Variants in BAHD1 observed in about 807,000 individuals in gnomAD.
BAHD1 encodes bromo adjacent homology domain containing 1.
A neutral mutation model predicts 63.1 loss-of-function variants in BAHD1; 20 were observed. That is an observed-to-expected ratio of 0.32 (90% confidence interval 0.22 to 0.46). The LOEUF (loss-of-function observed/expected upper bound fraction) is 0.46. BAHD1 is among the 20% of genes least tolerant of loss of function. The pLI is 1.00. For missense variants in BAHD1, 939 were observed against 1,071.8 expected, an observed-to-expected ratio of 0.88 and a Z score of 1.73; for synonymous variants, 408 against 426.8, an observed-to-expected ratio of 0.96 and a Z score of 0.54.
chr15:40,455,297 C>G (rs899669185), intron 1 of BAHD1, among the ~76,000 whole-genome samples: 1 of 152,182 alleles, frequency 6.6e-6, no homozygotes, highest in Non-Finnish European at 1.5e-5. Flanking sequence ...CACCCTACCC[C>G]CCAGGGGAGT....
Position 40,463,868 on chromosome 15 carries a change from C to T in BAHD1, c.1823C>T (p.Pro608Leu), listed in dbSNP as rs777256504. ...CEKAVYVLDEPEPAIRKSYQA... is the reference protein window; with the variant it reads ...CEKAVYVLDELEPAIRKSYQA... Reference sequence around the variant, plus strand: ...CATTGGTTTGTTGCCTAGGATGAGCCGGAGCCAGCCATCCGAAAGAGCTAC... The same window carrying T: ...CATTGGTTTGTTGCCTAGGATGAGCTGGAGCCAGCCATCCGAAAGAGCTAC... Residue 608 changes from proline to leucine, a missense_variant, in exon 4 of 7, where the codon CCG (proline) becomes CTG (leucine). Physicochemically the swap from Pro to Leu is moderately conservative, Grantham distance 98. Transcript: ENST00000416165. 4 of 1,614,146 alleles carry T rather than the reference C, an allele frequency of 2.5e-6. No individual in the cohort carries two copies. The highest frequency in any genetic ancestry group is 1.1e-5 in the South Asian group (1 of 91,082).
chr15:40,458,909 G>T lies in BAHD1; in HGVS notation c.445G>T (p.Gly149Trp). The change falls in exon 2 of 7, where the codon GGG becomes TGG. Residue 149 changes from glycine (G) to tryptophan (W), a missense_variant. By Grantham distance (184) the Gly-to-Trp change is radical (BLOSUM62 -2). Transcript: ENST00000416165. The surrounding 1 kb of genome is among the most constrained non-coding windows in gnomAD (Gnocchi z 4.7). ...GGCAGGCACCCGCCGCAGTCGAGCA[G>T]GGGATCCCCACCGCAGCCGTGACCG... is the stretch of plus-strand genomic sequence containing the variant. Reference protein sequence around the residue: ...SLAGTRRSRAGDPHRSRDRDR... With the variant: ...SLAGTRRSRAWDPHRSRDRDR... The T allele has an allele frequency of 6.3e-7, 1 of 1,598,478 alleles. No individual in the cohort carries two copies. Among genetic ancestry groups the T allele is most frequent in the Non-Finnish European group, 8.5e-7 (1 of 1,171,350 alleles).
intron 4 of BAHD1, 49 bp from the exon 5 acceptor site, chr15:40,464,422 G>C (rs771611903): frequency 8.5e-6 from 13 of 1,530,018 alleles, no homozygotes; most frequent in Non-Finnish European, 1.2e-5. Context: ...GCCTGTCTAA[G>C]TAACTCAGGT....
chr15:40,466,012 C>T lies in BAHD1; in HGVS notation c.2225C>T (p.Ala742Val), dbSNP rs1261322112. ...SRKTALVPPSADYSTPPHRTV... is the reference protein window; with the variant it reads ...SRKTALVPPSVDYSTPPHRTV... ...AAGACAGCACTGGTTCCCCCCTCTGCAGACTATTCCACCCCACCCCACCGC... is the reference window on the plus strand; with the variant it reads ...AAGACAGCACTGGTTCCCCCCTCTGTAGACTATTCCACCCCACCCCACCGC... Residue 742 changes from alanine (A) to valine (V), a missense_variant, in exon 7 of 7, where the codon GCA (alanine) becomes GTA (valine). Physicochemically the swap from Ala to Val is moderately conservative, Grantham distance 64. Transcript: ENST00000416165. 1 of 1,613,846 alleles carries T rather than the reference C, an allele frequency of 6.2e-7. No homozygotes were observed. The highest frequency in any genetic ancestry group is 8.5e-7 in the Non-Finnish European group (1 of 1,179,842).
intron 1 of BAHD1, among the ~76,000 whole-genome samples, chr15:40,449,814 CAAAAAAAAA>C (rs1053414532): frequency 1.8e-5 from 1 of 55,148 alleles, no homozygotes; most frequent in Non-Finnish European, 3.9e-5. Flanking sequence ...GACCCTGTCT[CAAAAAAAAA>C]AAAAAAAAAG....
At chr15:40,447,337 C>T (rs906411337) in intron 1 of BAHD1, among the ~76,000 whole-genome samples, 1 of 151,882 alleles carries the variant, frequency 6.6e-6, no homozygotes, top group African/African-American at 2.4e-5. Context: ...GAGGCTGAGG[C>T]GGGTGGATCA....
intron 1 of BAHD1, among the ~76,000 whole-genome samples, chr15:40,452,011 C>G (rs1893719385): frequency 6.6e-6 from 1 of 152,262 alleles, no homozygotes; most frequent in Non-Finnish European, 1.5e-5. Flanking sequence ...TCTCCTCACT[C>G]AGGGATCTGT....
In BAHD1 at chr15:40,466,114, T is replaced by C; in HGVS notation, c.2327T>C (p.Leu776Pro). The change falls in exon 7 of 7, where the codon CTT (leucine) becomes CCT (proline). Residue 776 changes from leucine (L) to proline (P), a missense_variant. This residue lies in a region of BAHD1 where 68 missense variants were observed against 86.2 expected (regional missense o/e 0.79). Transcript: ENST00000416165. ...TATGACTTCCGCCACGGGCGCATCC[T>C]TAAGAACCCCCAGTAGCCTCCTCAT... is the stretch of plus-strand genomic sequence containing the variant. ...HVYDFRHGRI[L>P]KNPQ The C allele has an allele frequency of 6.2e-7, 1 of 1,613,278 alleles. No individual in the cohort carries two copies. The highest frequency in any genetic ancestry group is 8.5e-7 in the Non-Finnish European group (1 of 1,179,508).
intron 1 of BAHD1, chr15:40,443,301 G>A (rs1270360133): frequency 1.0e-6 from 1 of 985,308 alleles, no homozygotes; most frequent in Non-Finnish European, 1.2e-6. Context: ...CCCCAGCCTG[G>A]ATGGAGCTGA....
chr15:40,464,802 G>A (rs1894152923), intron 5 of BAHD1: 1 of 514,252 alleles, frequency 1.9e-6, no homozygotes, highest in African/African-American at 1.9e-5. Context: ...GAGGTAGCAG[G>A]TGCCAATGGG....
At chr15:40,463,816 AGT>A in intron 3 of BAHD1, 43 bp from the exon 4 acceptor site, 1 of 1,607,260 alleles carries the variant, frequency 6.2e-7, no homozygotes, top group Non-Finnish European at 8.5e-7. Flanking sequence ...CCTTACTCTG[AGT>A]GTGGCTCTGC....
intron 2 of BAHD1, among the ~76,000 whole-genome samples, chr15:40,460,438 G>A (rs567361582): frequency 6.6e-6 from 1 of 152,154 alleles, no homozygotes; most frequent in Admixed American, 6.5e-5. Flanking sequence ...TAGAGGCATT[G>A]AAAGAGAAGT....
At chr15:40,460,020 C>A in intron 2 of BAHD1, 124 bp downstream of exon 2, 1 of 1,253,400 alleles carries the variant, frequency 8.0e-7, no homozygotes, top group South Asian at 1.6e-5. Flanking sequence ...AGGTAGGGGG[C>A]TTTCAGAAGT....
At position 40,459,774 on chromosome 15, in the gene BAHD1, G is replaced by A. The variant is rs371754615; in HGVS notation, c.1310G>A (p.Arg437His). The change falls in exon 2 of 7, where the codon CGC (arginine) becomes CAC (histidine). Residue 437 changes from arginine (R) to histidine (H), a missense_variant. By Grantham distance (29) the Arg-to-His change is conservative. Around this residue, in one of 5 missense-constraint regions of BAHD1, gnomAD observed 797 missense variants for 813.3 expected, o/e 0.98. Transcript: ENST00000416165. ...CAGCACCCTCCCTGGGGCTCCTCTCGCTACTGCTCTAGCGAGGACACTGGA... is the reference window on the plus strand; with the variant it reads ...CAGCACCCTCCCTGGGGCTCCTCTCACTACTGCTCTAGCGAGGACACTGGA... ...PFQHPPWGSS[R>H]YCSSEDTGVN... is the part of the protein sequence containing the mutation. 61 of 1,613,744 alleles carry A rather than the reference G, an allele frequency of 3.8e-5. No individual in the cohort carries two copies. The African/African-American group carries it at 4.9e-4, about 13-fold the overall frequency.
chr15:40,456,411 T>C (rs1414828599), intron 1 of BAHD1, among the ~76,000 whole-genome samples: 1 of 152,204 alleles, frequency 6.6e-6, no homozygotes, highest in Non-Finnish European at 1.5e-5. Context: ...ATGAATGGGT[T>C]TGCCTTCTGT....
chr15:40,461,582 G>T (rs1037738231), intron 2 of BAHD1, among the ~76,000 whole-genome samples: 2 of 152,042 alleles, frequency 1.3e-5, no homozygotes, highest in African/African-American at 4.8e-5. Flanking sequence ...GGAGGTTGCA[G>T]TGAGCCAAGA....
chr15:40,459,695 C>T lies in BAHD1; in HGVS notation c.1231C>T (p.His411Tyr). ...CAAGCTGTCCCCAGTGGCTGCACCT[C>T]ACGAGGAGGGGCTCCTCTTAGCTCC... is the stretch of plus-strand genomic sequence containing the variant. Reference protein sequence around the residue: ...EGKLSPVAAPHEEGLLLAPSS... With the variant: ...EGKLSPVAAPYEEGLLLAPSS... Residue 411 changes from histidine to tyrosine, a missense_variant, in exon 2 of 7, where the codon CAC becomes TAC. Coordinates refer to ENST00000416165, the MANE Select transcript of BAHD1 (RefSeq NM_014952.5). 1 of 1,613,994 alleles carries T rather than the reference C, an allele frequency of 6.2e-7. No homozygotes were observed. The highest frequency in any genetic ancestry group is 8.5e-7 in the Non-Finnish European group (1 of 1,179,980).
chr15:40,442,036 G>A (rs1438376064), intron 1 of BAHD1, among the ~76,000 whole-genome samples: 1 of 152,090 alleles, frequency 6.6e-6, no homozygotes, highest in East Asian at 1.9e-4. Context: ...GTGTGGCGGG[G>A]GGAATCGAAG....
chr15:40,449,458 G>A (rs1418435999), intron 1 of BAHD1, among the ~76,000 whole-genome samples: 2 of 152,118 alleles, frequency 1.3e-5, no homozygotes, highest in Non-Finnish European at 2.9e-5. Context: ...GGCAGCCACA[G>A]CCAGTGGAAT....
Sources: allele counts gnomAD v4.1 joint callset (sites outside exome capture counted in the v4.1 genomes callset), GRCh38; gene constraint gnomAD v4.1.1; regional missense constraint gnomAD v4.1.1; non-coding constraint Gnocchi (gnomAD v3.1); transcripts MANE v1.5; gene names NCBI Gene and HGNC (gene_info 2026-07-23, HGNC 2026-07-21).